The following TRIM37 variants were observed in gnomAD, a reference collection of about 807,000 sequenced individuals.
TRIM37 encodes tripartite motif containing 37, also known as E3 ubiquitin-protein ligase TRIM37.
TRIM37 carries 80 observed loss-of-function variants against 129.8 expected under a neutral mutation model. The ratio of observed to expected loss-of-function variants is 0.62; its 90% CI spans 0.51 to 0.74. The LOEUF is 0.74. Ranked by LOEUF, TRIM37 falls within the 30% of genes least tolerant of loss-of-function variation. TRIM37 has a pLI of 0.00. For synonymous variants in TRIM37, 389 were observed against 387.1 expected (o/e 1.00, Z -0.06); for missense variants, 1,054 against 1,176.5 (o/e 0.90, Z 1.52).
At chr17:58,971,446 G>A in the TRIM37 span, among the ~76,000 whole-genome samples, 44 of 152,152 alleles carry the variant, frequency 2.9e-4, 1 homozygote, top group Non-Finnish European at 1.2e-4. Flanking sequence ...TCGTATAGTA[G>A]GACCAAGAGC....
At chr17:59,040,675 G>A (rs1019805764) in intron 17 of TRIM37, among the ~76,000 whole-genome samples, 1 of 152,216 alleles carries the variant, frequency 6.6e-6, no homozygotes, top group Non-Finnish European at 1.5e-5. Flanking sequence ...GTCAGGAGTA[G>A]AAAGAATATA....
At chr17:59,089,947 CA>C (rs930566008) in intron 3 of TRIM37, 1 of 151,726 alleles carries the variant, frequency 6.6e-6, no homozygotes, top group African/African-American at 2.4e-5. Context: ...AAAAAATAAA[CA>C]AAATTAGCTG....
At chr17:59,008,011 T>C (rs1312419805) in intron 22 of TRIM37, among the ~76,000 whole-genome samples, 1 of 152,156 alleles carries the variant, frequency 6.6e-6, no homozygotes, top group Admixed American at 6.5e-5. Flanking sequence ...CTAAGGCTTA[T>C]AGGTATATAA....
intron 24 of TRIM37, among the ~76,000 whole-genome samples, chr17:58,985,686 T>A (rs2031738929): frequency 6.6e-6 from 1 of 152,176 alleles, no homozygotes; most frequent in Non-Finnish European, 1.5e-5. Flanking sequence ...CACCTGCATC[T>A]GAAGGGAGGG....
intron 22 of TRIM37, among the ~76,000 whole-genome samples, chr17:59,006,366 G>C (rs1368844234): frequency 6.6e-6 from 1 of 152,170 alleles, no homozygotes; most frequent in African/African-American, 2.4e-5. Context: ...CACCTACTAT[G>C]TATGTGCTCA....
At chr17:58,987,937 A>G (rs1489891591) in intron 24 of TRIM37, among the ~76,000 whole-genome samples, 1 of 152,224 alleles carries the variant, frequency 6.6e-6, no homozygotes, top group Non-Finnish European at 1.5e-5. Context: ...GTAGGGGTAG[A>G]AGGAGCATTT....
At chr17:59,094,212 T>G (rs1022818195) in intron 2 of TRIM37, among the ~76,000 whole-genome samples, 1 of 152,150 alleles carries the variant, frequency 6.6e-6, no homozygotes, top group Non-Finnish European at 1.5e-5. Context: ...CAATCTAATT[T>G]AATTACAAAA....
chr17:58,980,888 G>A, downstream of TRIM37: 1 of 1,614,156 alleles, frequency 6.2e-7, no homozygotes, highest in African/African-American at 1.3e-5. This position sits in a 1 kb window ranked among gnomAD's most constrained non-coding sequence, Gnocchi z 4.7. Flanking sequence ...CTCACTTACT[G>A]GAAGTGGGAA....
At chr17:58,969,816 C>A in the TRIM37 span, 2 of 1,245,196 alleles carry the variant, frequency 1.6e-6, no homozygotes, top group East Asian at 2.4e-5. Context: ...TAGATTTTCT[C>A]TTTCTGGGCA....
intron 9 of TRIM37, 47 bp from the exon 10 acceptor site, chr17:59,064,452 A>C: frequency 6.8e-7 from 1 of 1,471,714 alleles, no homozygotes; most frequent in African/African-American, 1.4e-5. Flanking sequence ...CATGTTTAAA[A>C]TTCCATTTGC....
intron 24 of TRIM37, among the ~76,000 whole-genome samples, chr17:58,988,354 CTT>C (rs2032017526): frequency 6.6e-6 from 1 of 152,108 alleles, no homozygotes; most frequent in Non-Finnish European, 1.5e-5. Flanking sequence ...GGTAAAGGAA[CTT>C]ACCATACCCT....
chr17:59,026,050 T>C (rs1236256216), intron 19 of TRIM37, among the ~76,000 whole-genome samples: 2 of 152,148 alleles, frequency 1.3e-5, no homozygotes, highest in Non-Finnish European at 2.9e-5. Context: ...CACATCACTA[T>C]CAAACATTAA....
chr17:59,012,479 T>G, intron 21 of TRIM37, 33 bp from the exon 22 acceptor site: 1 of 1,356,196 alleles, frequency 7.4e-7, no homozygotes, highest in Non-Finnish European at 1.0e-6. Context: ...TATTTCTCTA[T>G]AACTAGTGAC....
intron 1 of TRIM37, 146 bp from the exon 2 acceptor site, chr17:59,104,540 G>T: frequency 1.2e-6 from 1 of 808,482 alleles, no homozygotes; most frequent in Non-Finnish European, 2.2e-6. Context: ...GGTTGGTCAA[G>T]ATACAGAGTA....
Position 59,104,340 on chromosome 17 carries a change from G to T in TRIM37, c.76C>A (p.Arg26Ser). The part of the protein sequence containing the change: ...FICMEKLRDA[R>S]LCPHCSKLCC... ...AGTTTGGAGCAATGAGGACACAGGC[G>T]TGCATCCCGCAATTTCTCCATACAA... The change falls in exon 2 of 24, where the codon CGC becomes AGC. Residue 26 changes from arginine (R) to serine (S), a missense_variant. Arg to Ser is a moderately radical substitution (Grantham distance 110). Coordinates refer to ENST00000262294, the MANE Select transcript of TRIM37 (RefSeq NM_015294.6). 1.2e-6 allele frequency: 2 copies of T among 1,614,172 alleles called. No homozygotes were observed. The highest frequency in any genetic ancestry group is 1.7e-6 in the Non-Finnish European group (2 of 1,180,044).
At chr17:59,034,604 C>A (rs2038254879) in intron 17 of TRIM37, among the ~76,000 whole-genome samples, 1 of 152,002 alleles carries the variant, frequency 6.6e-6, no homozygotes, top group Admixed American at 6.6e-5. Context: ...AGGTGATTGG[C>A]CCGCCTCAGC....
chr17:59,058,855 C>A (rs573155860), intron 12 of TRIM37, among the ~76,000 whole-genome samples: 1 of 152,146 alleles, frequency 6.6e-6, no homozygotes, highest in South Asian at 2.1e-4. Context: ...CACAGCAAGA[C>A]CCTGTCTCAA....
the TRIM37 span, chr17:58,969,633 T>C: frequency 1.9e-6 from 3 of 1,614,096 alleles, no homozygotes; most frequent in African/African-American, 1.3e-5. Context: ...GTTAACTTAG[T>C]CCGCCAGGAG....
intron 4 of TRIM37, among the ~76,000 whole-genome samples, chr17:59,084,312 C>T (rs1224947770): frequency 1.3e-5 from 2 of 152,122 alleles, no homozygotes; most frequent in East Asian, 3.8e-4. Context: ...TAATCACATG[C>T]GAAATACAGA....
Sources: gnomAD v4.1 joint callset for allele counts (sites outside exome capture counted in the v4.1 genomes callset) on GRCh38, gnomAD v4.1.1 for gene constraint, Gnocchi (gnomAD v3.1) non-coding constraint, MANE v1.5 for transcripts, NCBI Gene and HGNC (gene_info 2026-07-23, HGNC 2026-07-21) for gene names.